Variants in TENM2 observed in about 807,000 individuals in gnomAD.
TENM2 encodes the protein teneurin-2.
TENM2 carries 52 observed loss-of-function variants against 245.2 expected under a neutral mutation model. That is an observed-to-expected ratio of 0.21 (90% confidence interval 0.17 to 0.27). The LOEUF (loss-of-function observed/expected upper bound fraction) is 0.27, where lower values mean the gene tolerates loss of function less well. TENM2 is among the 10% of genes least tolerant of loss of function. The pLI is 1.00. For synonymous variants in TENM2, 1,363 were observed against 1,438.9 expected, an observed-to-expected ratio of 0.95 and a Z score of 1.19; for missense variants, 3,046 against 3,666.8, an observed-to-expected ratio of 0.83 and a Z score of 4.37.
At chr5:167,073,443 A>T in the TENM2 span, among the ~76,000 whole-genome samples, 1 of 152,202 alleles carries the variant, frequency 6.6e-6, no homozygotes, top group South Asian at 2.1e-4. Flanking sequence ...CATACAGGGC[A>T]CAAAATAGGG....
At chr5:167,216,293 G>A in the TENM2 span, among the ~76,000 whole-genome samples, 1 of 152,190 alleles carries the variant, frequency 6.6e-6, no homozygotes, top group Non-Finnish European at 1.5e-5. Flanking sequence ...TTTTTTCACA[G>A]ATTATTTATG....
At chr5:167,959,237 C>T (rs1780809730) in intron 4 of TENM2, among the ~76,000 whole-genome samples, 1 of 150,834 alleles carries the variant, frequency 6.6e-6, no homozygotes, top group Non-Finnish European at 1.5e-5. Flanking sequence ...CTCTGTCGCC[C>T]AGGCTGGAGT....
chr5:168,038,622 T>A (rs537986000), intron 5 of TENM2, among the ~76,000 whole-genome samples: 1 of 152,330 alleles, frequency 6.6e-6, no homozygotes, highest in Non-Finnish European at 1.5e-5. Context: ...TTATCATAGC[T>A]AAGGAGAGTG....
intron 3 of TENM2, among the ~76,000 whole-genome samples, chr5:167,934,544 G>T (rs959176805): frequency 6.6e-6 from 1 of 152,128 alleles, no homozygotes; most frequent in Non-Finnish European, 1.5e-5. Context: ...AACAAGTACC[G>T]ATGTCAAGCC....
intron 22 of TENM2, 91 bp downstream of exon 24, chr5:168,217,013 TG>T: frequency 1.4e-6 from 2 of 1,416,660 alleles, no homozygotes; most frequent in Non-Finnish European, 9.8e-7. Context: ...GGAAGTGGAA[TG>T]GGAGGGAGAG....
intron 2 of TENM2, among the ~76,000 whole-genome samples, chr5:167,695,126 A>G (rs1006108511): frequency 6.6e-6 from 1 of 152,182 alleles, no homozygotes; most frequent in African/African-American, 2.4e-5. Context: ...AGAATTTTCC[A>G]GAGTATGGGA....
Position 168,244,330 on chromosome 5 carries a change from C to A in TENM2, c.5521-90C>A. 1 of 1,081,956 alleles carries A rather than the reference C, an allele frequency of 9.2e-7. No homozygotes were observed. The highest frequency in any genetic ancestry group is 1.3e-6 in the Non-Finnish European group (1 of 783,502). 67.0% of individuals were successfully genotyped at this position (1,081,956 alleles called of 1,614,324 possible). Reference sequence around the variant, plus strand: ...TTTCTTCCTCCAGTGAACACTTAAGCCCTGGCCATGCCAGCCATGTCCTCC... The same window carrying A: ...TTTCTTCCTCCAGTGAACACTTAAGACCTGGCCATGCCAGCCATGTCCTCC... On this transcript the variant is annotated intron_variant, in intron 25 of 28. Coordinates refer to ENST00000518659, the Ensembl canonical transcript of TENM2. The surrounding 1 kb of genome is among the most constrained non-coding windows in gnomAD (Gnocchi z 4.9).
chr5:167,133,134 A>T, the TENM2 span, among the ~76,000 whole-genome samples: 6 of 152,220 alleles, frequency 3.9e-5, no homozygotes, highest in Non-Finnish European at 8.8e-5. Context: ...AGGGGGAAGA[A>T]GGGAGGGAAA....
intron 4 of TENM2, among the ~76,000 whole-genome samples, chr5:167,990,369 A>G (rs908052897): frequency 1.5e-4 from 23 of 152,202 alleles, no homozygotes; most frequent in African/African-American, 5.3e-4. Flanking sequence ...ATGGGCTGAC[A>G]CTTACTATGG....
chr5:167,561,652 T>G (rs1773594955), intron 2 of TENM2, among the ~76,000 whole-genome samples: 1 of 152,206 alleles, frequency 6.6e-6, no homozygotes, highest in South Asian at 2.1e-4. Context: ...CAGGTACTAC[T>G]GCAAAAATAA....
intron 2 of TENM2, among the ~76,000 whole-genome samples, chr5:167,705,989 ATATT>A (rs1215316587): frequency 0.036 from 2,299 of 63,798 alleles, 40 homozygotes; most frequent in African/African-American, 0.17. Context: ...ATATATATAT[ATATT>A]TATTTATTTA....
In TENM2 at chr5:168,058,164, C is replaced by T. The variant is rs533259407; in HGVS notation, c.1310-3896C>T. Among the ~76,000 whole-genome samples, 247 of 152,296 alleles carry T rather than the reference C, an allele frequency of 1.6e-3. 1 individual carries two copies. The highest frequency in any genetic ancestry group is 5.5e-3 in the African/African-American group (229 of 41,554). ...ACAGGATGTCTCCCTCGGCCTAGAC[C>T]GCAGCACATCCATTTTCCTTACACA... On this transcript the variant is annotated intron_variant, in intron 6 of 28. Transcript: ENST00000518659.
intron 12 of TENM2, among the ~76,000 whole-genome samples, chr5:168,144,198 A>C (rs533235625): frequency 6.6e-6 from 1 of 150,894 alleles, no homozygotes; most frequent in East Asian, 2.0e-4. Flanking sequence ...TTATTATTAT[A>C]CTTTAAGTTT....
intron 4 of TENM2, among the ~76,000 whole-genome samples, chr5:167,979,801 T>C (rs998865741): frequency 6.6e-6 from 1 of 152,186 alleles, no homozygotes; most frequent in African/African-American, 2.4e-5. Flanking sequence ...GGAAGATGAC[T>C]TCACAACAGA....
chr5:167,991,020 A>C (rs1783625228), intron 4 of TENM2, among the ~76,000 whole-genome samples: 1 of 152,194 alleles, frequency 6.6e-6, no homozygotes, highest in Admixed American at 6.5e-5. Context: ...AGTCAGGCAG[A>C]CTGGAGCTTG....
At chr5:167,778,346 T>G (rs757382968) in intron 2 of TENM2, among the ~76,000 whole-genome samples, 71 of 152,320 alleles carry the variant, frequency 4.7e-4, no homozygotes, top group Non-Finnish European at 7.2e-4. Flanking sequence ...TGAAGACCTT[T>G]CTTGACAGCA....
At chr5:168,053,111 G>C (rs146466897) in intron 6 of TENM2, among the ~76,000 whole-genome samples, 43 of 152,166 alleles carry the variant, frequency 2.8e-4, no homozygotes, top group African/African-American at 8.2e-4. Context: ...AAGGGCAAAG[G>C]GTCATTATGT....
At chr5:167,470,478 C>CTTTTTTTTTTTTTA (rs1582137507) in intron 2 of TENM2, among the ~76,000 whole-genome samples, 1 of 18,926 alleles carries the variant, frequency 5.3e-5, no homozygotes, top group Admixed American at 5.4e-4. Context: ...TTTTTTTTTG[C>CTTTTTTTTTTTTTA]TTATGGAAGG....
At chr5:167,888,025 T>C (rs960867805) in intron 3 of TENM2, among the ~76,000 whole-genome samples, 3 of 152,154 alleles carry the variant, frequency 2.0e-5, no homozygotes, top group Non-Finnish European at 4.4e-5. Context: ...TCTCTCCTTA[T>C]AGGGATACCA....
Sources: allele counts gnomAD v4.1 joint callset (sites outside exome capture counted in the v4.1 genomes callset), GRCh38; gene constraint gnomAD v4.1.1; non-coding constraint Gnocchi (gnomAD v3.1); transcripts MANE v1.5; gene names NCBI Gene and HGNC (gene_info 2026-07-23, HGNC 2026-07-21).